Variants in RYR1 observed in about 807,000 individuals in gnomAD.
The protein encoded by RYR1 is ryanodine receptor 1.
Under a neutral mutation model 583.5 loss-of-function variants are expected in RYR1, and 342 were observed. The observed-to-expected ratio is 0.59, with a 90% confidence interval of 0.54 to 0.64. The LOEUF (loss-of-function observed/expected upper bound fraction) is 0.64. Among genes scored for constraint, RYR1 ranks in the 30% least tolerant of loss-of-function variants. The probability of loss-of-function intolerance (pLI) is 0.00; values close to 1 mark genes in which losing one functional copy is unlikely to be tolerated. For synonymous variants in RYR1, 2,791 were observed against 2,822.5 expected, an observed-to-expected ratio of 0.99 and a Z score of 0.35; for missense variants, 6,032 against 6,917.2, an observed-to-expected ratio of 0.87 and a Z score of 4.54.
rs1971028195 is a variant in RYR1, at chr19:38,517,539, C to T, written c.9866C>T (p.Pro3289Leu). 1 of 1,613,746 alleles carries T rather than the reference C, an allele frequency of 6.2e-7. No individual in the cohort carries two copies. ...SYLPRWWERG[P>L]EAPPSALPAG... ...CTGCCCCGATGGTGGGAGCGCGGGCCCGAGGCACCCCCTTCCGCCCTGCCC... is the reference window on the plus strand; with the variant it reads ...CTGCCCCGATGGTGGGAGCGCGGGCTCGAGGCACCCCCTTCCGCCCTGCCC... Residue 3289 changes from proline (P) to leucine (L), a missense_variant, in exon 66 of 106, where the codon CCC becomes CTC. Transcript: ENST00000359596.
intron 61 of RYR1, 141 bp from the exon 62 acceptor site, chr19:38,511,931 T>TG (rs1158808428): frequency 4.7e-5 from 47 of 1,002,024 alleles, no homozygotes; most frequent in African/African-American, 8.4e-5. Flanking sequence ...TGTAGGAGTC[T>TG]GGGGGGGTGG....
chr19:38,453,145 G>C, intron 13 of RYR1, 131 bp downstream of exon 13: 1 of 928,128 alleles, frequency 1.1e-6, no homozygotes, highest in Non-Finnish European at 1.6e-6. Context: ...AGGGGGCGGG[G>C]CAGGAGAAGG....
intron 101 of RYR1, among the ~76,000 whole-genome samples, chr19:38,583,461 G>C (rs148709418): frequency 1.1e-3 from 154 of 140,372 alleles, no homozygotes; most frequent in African/African-American, 4.0e-3. Context: ...CTGGGCAACA[G>C]AGCAAGACTC....
rs772222185 is a variant in RYR1, at chr19:38,525,473, A to G, written c.10597A>G (p.Ile3533Val). 6 of 1,613,496 alleles carry G rather than the reference A, an allele frequency of 3.7e-6. No homozygotes were observed. The highest frequency in any genetic ancestry group is 3.3e-5 in the Admixed American group (2 of 59,994). The change falls in exon 71 of 106, where the codon ATC becomes GTC. Residue 3533 changes from isoleucine to valine, a missense_variant. Transcript: ENST00000359596. ...NMCAPTDQDL[I>V]TLAKTRYALK... ...GTGTGCGCCCACCGACCAAGACCTC[A>G]TCACGCTGGCCAAGACCCGTTACGC...
chr19:38,482,815 G>A (rs1439892626), intron 31 of RYR1, among the ~76,000 whole-genome samples: 1 of 152,094 alleles, frequency 6.6e-6, no homozygotes, highest in Non-Finnish European at 1.5e-5. Flanking sequence ...TGTGATGTGT[G>A]CAGAGACAGA....
Position 38,502,947 on chromosome 19 carries a change from G to C in RYR1, c.7903G>C (p.Glu2635Gln), listed in dbSNP as rs750282403. ...RLVFDVPILN[E>Q]FAKMPLKLLT... Reference sequence around the variant, plus strand: ...GGTGTTCGACGTGCCCATCCTCAACGAGTTCGCCAAGATGCCACTCAAGGT... The same window carrying C: ...GGTGTTCGACGTGCCCATCCTCAACCAGTTCGCCAAGATGCCACTCAAGGT... Residue 2635 changes from glutamate (E) to glutamine (Q), a missense_variant, in exon 49 of 106, where the codon GAG becomes CAG. Glu to Gln is a conservative substitution (Grantham distance 29). This residue lies in a region of RYR1 where 250 missense variants were observed against 162.3 expected (regional missense o/e 1.54). Transcript: ENST00000359596. 2.5e-6 allele frequency: 4 copies of C among 1,610,448 alleles called. No individual in the cohort carries two copies. In the East Asian group the frequency reaches 8.9e-5, roughly 36 times the overall value.
chr19:38,460,372 C>G lies in RYR1; in HGVS notation c.2361-3C>G. 2 of 1,613,880 alleles carry G rather than the reference C, an allele frequency of 1.2e-6. No homozygotes were observed. The highest frequency in any genetic ancestry group is 1.7e-6 in the Non-Finnish European group (2 of 1,179,778). Reference sequence around the variant, plus strand: ...ATGATCCCCATTGTCCTTCCTTACCCAGGGTGCGGTTCCTCCTTGGTGGCC... The same window carrying G: ...ATGATCCCCATTGTCCTTCCTTACCGAGGGTGCGGTTCCTCCTTGGTGGCC... On this transcript the variant is annotated splice_polypyrimidine_tract_variant and splice_region_variant and intron_variant, in intron 19 of 105. Coordinates refer to ENST00000359596, the MANE Select transcript of RYR1 (RefSeq NM_000540.3).
At chr19:38,498,018 T>C (rs1969924867) in intron 42 of RYR1, among the ~76,000 whole-genome samples, 2 of 151,314 alleles carry the variant, frequency 1.3e-5, no homozygotes, top group Admixed American at 1.3e-4. Context: ...GTGACATTTG[T>C]GTAAAGCTCT....
In RYR1 at chr19:38,578,280, C is replaced by T. The variant is rs144304405; in HGVS notation, c.14364+76C>T. The T allele has an allele frequency of 1.1e-4, 167 of 1,486,504 alleles. 1 individual carries two copies. The Admixed American group carries it at 1.3e-3, about 12-fold the overall frequency. The allele number at this position is 1,486,504 out of a possible 1,614,324, so 92.1% of individuals were successfully genotyped here. Reference sequence around the variant, plus strand: ...AGGAGGGTTCCCAACGTCGGGTGTTCCTGACCAAAGAATGACTCCTGGGAC... The same window carrying T: ...AGGAGGGTTCCCAACGTCGGGTGTTTCTGACCAAAGAATGACTCCTGGGAC... On this transcript the variant is annotated intron_variant, in intron 99 of 105. Coordinates refer to ENST00000359596, the MANE Select transcript of RYR1 (RefSeq NM_000540.3).
chr19:38,473,839 TAACCTGAGA>T, intron 28 of RYR1, 68 bp downstream of exon 28: 1 of 1,222,304 alleles, frequency 8.2e-7, no homozygotes, highest in Non-Finnish European at 1.1e-6. Context: ...GCAACCACAG[TAACCTGAGA>T]AACCCCCATT....
intron 27 of RYR1, among the ~76,000 whole-genome samples, chr19:38,473,115 C>A (rs1195304066): frequency 6.6e-6 from 1 of 151,820 alleles, no homozygotes; most frequent in Non-Finnish European, 1.5e-5. Flanking sequence ...TTGGAAGTTA[C>A]CCCAAGTGAT....
In RYR1 at chr19:38,504,777, C is replaced by T; in HGVS notation, c.8097C>T (p.Ala2699=). 2 of 1,614,176 alleles carry T rather than the reference C, an allele frequency of 1.2e-6. No homozygotes were observed. The highest frequency in any genetic ancestry group is 1.3e-5 in the African/African-American group (1 of 75,034). Residue 2699 remains alanine (A), a synonymous_variant, in exon 51 of 106, where the codon GCC becomes GCT. Transcript: ENST00000359596. The part of the protein sequence containing the change: ...KKYDPELYRM[A]MPCLCAIAGA... ...ACGACCCGGAGCTGTACCGCATGGC[C>T]ATGCCTTGTCTGTGCGCCATTGCCG...
Position 38,494,475 on chromosome 19 carries a change from A to G in RYR1, c.6398A>G (p.Glu2133Gly). 6.2e-7 allele frequency: 1 copy of G among 1,612,938 alleles called. No homozygotes were observed. Among genetic ancestry groups the G allele is most frequent in the Non-Finnish European group, 8.5e-7 (1 of 1,180,012 alleles). ...LLHRQYDGLG[E>G]LLRALPRAYT... is the part of the protein sequence containing the mutation. ...CACCGGCAGTACGACGGGCTGGGTG[A>G]GCTGCTGCGTGCCCTGCCGCGGGCG... Residue 2133 changes from glutamate (E) to glycine (G), a missense_variant, in exon 39 of 106, where the codon GAG becomes GGG. Transcript: ENST00000359596.
intron 5 of RYR1, 108 bp downstream of exon 5, chr19:38,443,904 T>G (rs1972814658): frequency 1.9e-6 from 2 of 1,045,986 alleles, no homozygotes; most frequent in African/African-American, 1.6e-5. Flanking sequence ...CCTGGGGACA[T>G]GAATGGGGGC....
chr19:38,553,179 A>G (rs933295899), intron 89 of RYR1, among the ~76,000 whole-genome samples: 2 of 151,412 alleles, frequency 1.3e-5, no homozygotes, highest in Admixed American at 1.3e-4. Context: ...TACTAAAAAT[A>G]CAGAAATTAG....
At chr19:38,516,273 C>T in intron 65 of RYR1, 56 bp downstream of exon 65, 1 of 1,535,520 alleles carries the variant, frequency 6.5e-7, no homozygotes, top group Non-Finnish European at 8.8e-7. Flanking sequence ...CAGCACAGGG[C>T]CTTGGGGAGA....
rs1265421064 is a variant in RYR1 at position 38,565,528 on chromosome 19, G to A, written c.13194G>A (p.Gly4398=). The A allele has an allele frequency of 6.7e-7, 1 of 1,503,268 alleles. No homozygotes were observed. Among genetic ancestry groups the A allele is most frequent in the Non-Finnish European group, 8.8e-7 (1 of 1,133,548 alleles). 93.1% of individuals were successfully genotyped at this position (1,503,268 alleles called of 1,614,324 possible). Residue 4398 remains glycine (G), a synonymous_variant, in exon 91 of 106, where the codon GGG becomes GGA. Coordinates refer to ENST00000359596, the MANE Select transcript of RYR1 (RefSeq NM_000540.3). This position sits in a 1 kb window ranked among gnomAD's most constrained non-coding sequence, Gnocchi z 4.7. The part of the protein sequence containing the change: ...SDEVHGEQPA[G]PGGDADGEGA... ...AGGTGCACGGCGAGCAGCCGGCCGG[G>A]CCGGGCGGAGACGCAGACGGCGAGG...
At position 38,508,123 on chromosome 19, in the gene RYR1, A is replaced by G. The variant is rs538394676; in HGVS notation, c.8932+296A>G. Among the ~76,000 whole-genome samples the G allele has an allele frequency of 4.6e-5, 7 of 152,332 alleles. No homozygotes were observed. In the South Asian group the frequency reaches 1.4e-3, roughly 32 times the overall value. ...TCAGTGTTATGGGAAGAAGAAAACA[A>G]TAGAGCCAGGTAGAGGGGATTGGGA... On this transcript the variant is annotated intron_variant, in intron 58 of 105. Transcript: ENST00000359596.
chr19:38,444,992 C>T lies in RYR1; in HGVS notation c.631+315C>T, dbSNP rs2145342893. ...TGTTTAAAGGCCGGGCATGGTGGCT[C>T]ACGCCTGTAATCTCAGCACTTTGGG... is the stretch of plus-strand genomic sequence containing the variant. On this transcript the variant is annotated intron_variant, in intron 7 of 105. Coordinates refer to ENST00000359596, the MANE Select transcript of RYR1 (RefSeq NM_000540.3). This position sits in a 1 kb window ranked among gnomAD's most constrained non-coding sequence, Gnocchi z 5.1. Among the ~76,000 whole-genome samples the T allele has an allele frequency of 6.6e-6, 1 of 152,166 alleles. No homozygotes were observed.
Sources: allele counts gnomAD v4.1 joint callset (sites outside exome capture counted in the v4.1 genomes callset), GRCh38; gene constraint gnomAD v4.1.1; regional missense constraint gnomAD v4.1.1; non-coding constraint Gnocchi (gnomAD v3.1); transcripts MANE v1.5; gene names NCBI Gene and HGNC (gene_info 2026-07-23, HGNC 2026-07-21).